The following RPA2 variants were observed in gnomAD, a reference collection of about 807,000 sequenced individuals.
The protein encoded by RPA2 is replication protein A2.
Under a neutral mutation model 33.4 loss-of-function variants are expected in RPA2, and 22 were observed. The ratio of observed to expected loss-of-function variants is 0.66; its 90% confidence interval spans 0.47 to 0.94. The LOEUF (loss-of-function observed/expected upper bound fraction) is 0.94. Ranked by LOEUF, RPA2 falls within the 40% of genes least tolerant of loss-of-function variation. The pLI is 0.00. For missense variants in RPA2, 279 were observed against 329.9 expected, an observed-to-expected ratio of 0.85 and a Z score of 1.19; for synonymous variants, 109 against 114.9, an observed-to-expected ratio of 0.95 and a Z score of 0.33.
chr1:27,904,054 C>T (rs533028943), intron 4 of RPA2, among the ~76,000 whole-genome samples: 1 of 151,658 alleles, frequency 6.6e-6, no homozygotes, highest in Non-Finnish European at 1.5e-5. Context: ...ATCCCAGCTA[C>T]TCTGGAGGCT....
intron 2 of RPA2, among the ~76,000 whole-genome samples, chr1:27,912,794 G>C (rs1253745791): frequency 6.6e-6 from 1 of 152,118 alleles, no homozygotes; most frequent in African/African-American, 2.4e-5. Context: ...TGTATTCTTT[G>C]TATATAATAT....
chr1:27,894,661 G>T (rs2089867776), intron 6 of RPA2, among the ~76,000 whole-genome samples: 1 of 152,160 alleles, frequency 6.6e-6, no homozygotes, highest in African/African-American at 2.4e-5. Flanking sequence ...AACCAGAGAA[G>T]AGTAGCAGCA....
At chr1:27,905,916 C>CGCCCGGCGTTAGGTCACCATTTTTATG (rs1361675205) in intron 4 of RPA2, among the ~76,000 whole-genome samples, 11 of 148,540 alleles carry the variant, frequency 7.4e-5, no homozygotes, top group African/African-American at 2.9e-4. Flanking sequence ...CGTGAGCCAC[C>CGCCCGGCGTTAGGTCACCATTTTTATG]ATGCCAAGCC....
chr1:27,914,297 G>C, intron 1 of RPA2, 128 bp from the exon 2 acceptor site: 2 of 1,576,684 alleles, frequency 1.3e-6, no homozygotes, highest in Non-Finnish European at 1.7e-6. Flanking sequence ...GCCTTCCTGC[G>C]GGTGACCCCC....
intron 4 of RPA2, among the ~76,000 whole-genome samples, chr1:27,902,329 G>A (rs1402078000): frequency 6.8e-6 from 1 of 147,780 alleles, no homozygotes; most frequent in East Asian, 2.0e-4. Flanking sequence ...TGCCCAGGCT[G>A]GAGTGCACTG....
At chr1:27,900,230 G>A (rs1360958360) in intron 4 of RPA2, among the ~76,000 whole-genome samples, 2 of 152,050 alleles carry the variant, frequency 1.3e-5, no homozygotes, top group East Asian at 3.9e-4. Context: ...TCCTGCCTCA[G>A]CCTCCTGAGT....
intron 4 of RPA2, among the ~76,000 whole-genome samples, chr1:27,904,828 C>T (rs947694165): frequency 9.2e-5 from 14 of 151,938 alleles, no homozygotes; most frequent in Non-Finnish European, 4.4e-5. Flanking sequence ...ATTTTTGTAT[C>T]ATTAGTAGAG....
intron 4 of RPA2, among the ~76,000 whole-genome samples, chr1:27,901,850 T>C (rs1426980191): frequency 6.6e-6 from 1 of 151,968 alleles, no homozygotes; most frequent in Non-Finnish European, 1.5e-5. Flanking sequence ...TCTTCCTGCC[T>C]AAGTCTCCTG....
chr1:27,905,127 A>T (rs2090012384), intron 4 of RPA2, among the ~76,000 whole-genome samples: 1 of 152,176 alleles, frequency 6.6e-6, no homozygotes. Context: ...GCTTTGTAAA[A>T]ATTGGGTCAA....
intron 2 of RPA2, among the ~76,000 whole-genome samples, chr1:27,909,771 C>T (rs1049415364): frequency 1.3e-5 from 2 of 151,812 alleles, no homozygotes; most frequent in South Asian, 2.1e-4. Flanking sequence ...ATTTGTACCT[C>T]GGTTTCCTCA....
In RPA2 at chr1:27,906,735, T is replaced by C. The variant is rs181034432; in HGVS notation, c.333+193A>G. 3.0e-3 allele frequency among the ~76,000 whole-genome samples: 464 copies of C among 152,300 alleles called. 13 individuals carry two copies. Among genetic ancestry groups the C allele is most frequent in the Non-Finnish European group, 4.4e-4 (30 of 68,014 alleles). ...CTTAACATTCTACTGTCTCCTGTCA[T>C]TTGACTTTTAATTCTGTTTTTGGTA... On this transcript the variant is annotated intron_variant, in intron 4 of 8. Transcript: ENST00000373912.
chr1:27,903,398 A>G (rs2089990978), intron 4 of RPA2, among the ~76,000 whole-genome samples: 1 of 152,152 alleles, frequency 6.6e-6, no homozygotes, highest in African/African-American at 2.4e-5. Context: ...TTAAAATGAT[A>G]GATGTAAATC....
Position 27,914,500 on chromosome 1 carries a change from G to GA in RPA2, c.-58dup. On this transcript the variant is annotated 5_prime_UTR_variant, in exon 1 of 9. Transcript: ENST00000373912. The stretch of plus-strand genomic sequence containing the variant: ...AAGGTGCGGGTCTGGGGGAATAGCG[G>GA]AAAACCACAGAACGCGGCCGCCACT... The GA allele has an allele frequency of 6.3e-7, 1 of 1,593,812 alleles. No individual in the cohort carries two copies. The highest frequency in any genetic ancestry group is 8.5e-7 in the Non-Finnish European group (1 of 1,170,604).
rs958209967 is a variant in RPA2, at chr1:27,903,525, C to T, written c.333+3403G>A. On this transcript the variant is annotated intron_variant, in intron 4 of 8. Coordinates refer to ENST00000373912, the MANE Select transcript of RPA2 (RefSeq NM_002946.5). ...CCTGAGGTCAAAAGTTCGAGACCAGCCTGGCCAACATGTTGAAACCCCGTC... is the reference window on the plus strand; with the variant it reads ...CCTGAGGTCAAAAGTTCGAGACCAGTCTGGCCAACATGTTGAAACCCCGTC... 4.2e-4 allele frequency among the ~76,000 whole-genome samples: 64 copies of T among 151,640 alleles called. 1 individual carries two copies. Among genetic ancestry groups the T allele is most frequent in the Non-Finnish European group, 8.2e-4 (56 of 67,904 alleles).
intron 2 of RPA2, among the ~76,000 whole-genome samples, chr1:27,908,580 C>T (rs1051540805): frequency 2.6e-5 from 4 of 152,064 alleles, no homozygotes; most frequent in Non-Finnish European, 5.9e-5. Flanking sequence ...ACTACAACCT[C>T]AATCTCCTGG....
chr1:27,908,401 G>A (rs2090057433), intron 2 of RPA2, among the ~76,000 whole-genome samples: 1 of 151,830 alleles, frequency 6.6e-6, no homozygotes, highest in Non-Finnish European at 1.5e-5. Flanking sequence ...GTGTTAGGAT[G>A]ACACACATAA....
At chr1:27,914,226 G>A in intron 1 of RPA2, 57 bp from the exon 2 acceptor site, 1 of 1,607,398 alleles carries the variant, frequency 6.2e-7, no homozygotes, top group Non-Finnish European at 8.5e-7. Flanking sequence ...CGAGAAACCC[G>A]CAGGCTCCCG....
chr1:27,907,375 G>A (rs189697485), intron 2 of RPA2, 93 bp from the exon 3 acceptor site: 1 of 993,256 alleles, frequency 1.0e-6, no homozygotes, highest in Admixed American at 2.5e-5. Flanking sequence ...AAATATATTA[G>A]AACATTGAAT....
At chr1:27,894,508 C>A in intron 6 of RPA2, 111 bp from the exon 7 acceptor site, 1 of 800,286 alleles carries the variant, frequency 1.2e-6, no homozygotes, top group East Asian at 2.5e-5. Flanking sequence ...TAAACAGTTT[C>A]CCAGTTTATA....
Sources: gnomAD v4.1 joint callset for allele counts (sites outside exome capture counted in the v4.1 genomes callset) on GRCh38, gnomAD v4.1.1 for gene constraint, MANE v1.5 for transcripts, NCBI Gene and HGNC (gene_info 2026-07-23, HGNC 2026-07-21) for gene names.